NCALD: variants seen among roughly 807,000 people sequenced by gnomAD.
NCALD encodes neurocalcin delta, also known as neurocalcin-delta.
Under a neutral mutation model 18.6 loss-of-function variants are expected in NCALD, and 10 were observed. The observed-to-expected ratio is 0.54, with a 90% CI of 0.33 to 0.91. The LOEUF (loss-of-function observed/expected upper bound fraction) is 0.91, where lower values mean the gene tolerates loss of function less well. Among genes scored for constraint, NCALD ranks in the 40% least tolerant of loss-of-function variants. The pLI is 0.03. For synonymous variants in NCALD, 88 were observed against 87.4 expected (o/e 1.01, Z -0.04); for missense variants, 184 against 247.6 (o/e 0.74, Z 1.72).
At chr8:101,925,372 A>G (rs1818300459) in intron 2 of NCALD, among the ~76,000 whole-genome samples, 1 of 152,102 alleles carries the variant, frequency 6.6e-6, no homozygotes, top group African/African-American at 2.4e-5. Context: ...TGCTCACTTC[A>G]GAAGGCAGAA....
intron 2 of NCALD, among the ~76,000 whole-genome samples, chr8:101,970,678 A>T (rs927861243): frequency 6.6e-6 from 1 of 152,128 alleles, no homozygotes; most frequent in African/African-American, 2.4e-5. Context: ...TTGTAACAGA[A>T]TTTTTTGAAC....
At chr8:102,071,771 C>T (rs1169566023) in intron 1 of NCALD, among the ~76,000 whole-genome samples, 1 of 152,072 alleles carries the variant, frequency 6.6e-6, no homozygotes, top group Non-Finnish European at 1.5e-5. Flanking sequence ...AAATCAAATA[C>T]ATAGGAATAC....
intron 1 of NCALD, among the ~76,000 whole-genome samples, chr8:102,058,725 G>T (rs536580800): frequency 6.6e-5 from 10 of 152,276 alleles, no homozygotes; most frequent in Non-Finnish European, 1.2e-4. Context: ...ATGCCCCATG[G>T]CCTAATTCTC....
At chr8:101,782,576 T>G (rs183178958) in intron 1 of NCALD, among the ~76,000 whole-genome samples, 3 of 152,108 alleles carry the variant, frequency 2.0e-5, no homozygotes, top group Admixed American at 6.6e-5. Context: ...CCATATAGAT[T>G]ATATATTTTT....
At chr8:101,915,499 G>A (rs931883853) in intron 3 of NCALD, 1 of 152,158 alleles carries the variant, frequency 6.6e-6, no homozygotes, top group African/African-American at 2.4e-5. Flanking sequence ...GAAGACTCTG[G>A]CAGCTGCCTG....
At chr8:101,777,483 G>T (rs1161292960) in intron 1 of NCALD, among the ~76,000 whole-genome samples, 4 of 152,186 alleles carry the variant, frequency 2.6e-5, no homozygotes, top group Non-Finnish European at 5.9e-5. Flanking sequence ...TGGATCTGAT[G>T]AATGGAATTG....
At chr8:102,017,903 T>C (rs563645210) in intron 2 of NCALD, among the ~76,000 whole-genome samples, 2 of 152,306 alleles carry the variant, frequency 1.3e-5, no homozygotes, top group Admixed American at 6.5e-5. Context: ...TACATATCAT[T>C]AAGACAAATA....
chr8:101,804,382 C>CAAT (rs1812992782), intron 4 of NCALD, among the ~76,000 whole-genome samples: 1 of 101,364 alleles, frequency 9.9e-6, no homozygotes, highest in Admixed American at 1.1e-4. Flanking sequence ...TTATATGTTA[C>CAAT]TATATATAGA....
At chr8:101,924,514 C>A (rs1818272869) in intron 2 of NCALD, among the ~76,000 whole-genome samples, 1 of 152,186 alleles carries the variant, frequency 6.6e-6, no homozygotes, top group Admixed American at 6.5e-5. Flanking sequence ...AGTATATATT[C>A]ATCTGGAAAA....
chr8:101,825,066 G>A (rs72676141), intron 4 of NCALD, among the ~76,000 whole-genome samples: 1,904 of 152,300 alleles, frequency 0.013, 31 homozygotes, highest in Non-Finnish European at 0.019. Context: ...AACTGACCCA[G>A]CTTGCAGAAT....
chr8:102,096,318 T>C (rs772736709), intron 1 of NCALD, among the ~76,000 whole-genome samples: 5 of 152,174 alleles, frequency 3.3e-5, no homozygotes, highest in Non-Finnish European at 5.9e-5. Flanking sequence ...CCCCTGTGTG[T>C]ATCTGTGTCC....
At chr8:101,762,714 T>C (rs1366072555) in intron 1 of NCALD, among the ~76,000 whole-genome samples, 1 of 151,940 alleles carries the variant, frequency 6.6e-6, no homozygotes, top group Non-Finnish European at 1.5e-5. Context: ...GCTGGGGTTA[T>C]AGGCGCTTGC....
intron 2 of NCALD, among the ~76,000 whole-genome samples, chr8:101,986,769 T>C (rs186478006): frequency 1.1e-3 from 163 of 152,358 alleles, no homozygotes; most frequent in Non-Finnish European, 2.0e-3. Flanking sequence ...TTAATAGAAC[T>C]AAATAATTAT....
chr8:101,986,876 A>G (rs974658416), intron 2 of NCALD, among the ~76,000 whole-genome samples: 2 of 144,486 alleles, frequency 1.4e-5, no homozygotes, highest in African/African-American at 5.2e-5. Context: ...TTTGAGCTTG[A>G]GCCAGCCAGC....
At chr8:101,738,149 T>G (rs979781972) in intron 1 of NCALD, among the ~76,000 whole-genome samples, 3 of 152,166 alleles carry the variant, frequency 2.0e-5, no homozygotes, top group Non-Finnish European at 2.9e-5. Flanking sequence ...GTACCGGTAT[T>G]GGTTTTCTCC....
intron 1 of NCALD, among the ~76,000 whole-genome samples, chr8:101,769,623 C>CTT (rs945146847): frequency 2.1e-5 from 3 of 146,310 alleles, no homozygotes; most frequent in Non-Finnish European, 3.0e-5. Context: ...TTCTTTCTTC[C>CTT]TTTTTTTTTT....
At chr8:101,800,284 TCCTAGG>T (rs1812790476) in intron 4 of NCALD, among the ~76,000 whole-genome samples, 1 of 152,130 alleles carries the variant, frequency 6.6e-6, no homozygotes, top group Admixed American at 6.5e-5. Context: ...AATTAAAGTG[TCCTAGG>T]ACTCTTGCAT....
intron 1 of NCALD, among the ~76,000 whole-genome samples, chr8:102,033,307 T>C (rs566760895): frequency 6.6e-6 from 1 of 152,172 alleles, no homozygotes; most frequent in African/African-American, 2.4e-5. Flanking sequence ...AACTGAGAGA[T>C]AACCTCTTGA....
Position 101,824,479 on chromosome 8 carries a change from A to T in NCALD, c.-20+62662T>A, listed in dbSNP as rs570229333. 2.6e-4 allele frequency among the ~76,000 whole-genome samples: 39 copies of T among 147,462 alleles called. 1 individual carries two copies. The highest frequency in any genetic ancestry group is 4.1e-4 in the Admixed American group (6 of 14,800). On this transcript the variant is annotated intron_variant, in intron 4 of 6. Coordinates refer to the NCALD transcript ENST00000311028. Reference sequence around the variant, plus strand: ...TATACTAATCTTTAAATTTTATTTTATTTTTTTTTTTGGCTGAACCAAAGC... The same window carrying T: ...TATACTAATCTTTAAATTTTATTTTTTTTTTTTTTTTGGCTGAACCAAAGC...
Sources: gnomAD v4.1 joint callset for allele counts (sites outside exome capture counted in the v4.1 genomes callset) on GRCh38, gnomAD v4.1.1 for gene constraint, MANE v1.5 for transcripts, NCBI Gene and HGNC (gene_info 2026-07-23, HGNC 2026-07-21) for gene names.